Variants in CCSER1 observed in about 807,000 individuals in gnomAD.
CCSER1 encodes coiled-coil serine rich protein 1, also known as serine-rich coiled-coil domain-containing protein 1.
CCSER1 carries 41 observed loss-of-function variants against 82.0 expected under a neutral mutation model. That is an observed-to-expected ratio of 0.50 (90% CI 0.39 to 0.65). CCSER1 has a LOEUF of 0.65. Ranked by LOEUF, CCSER1 falls within the 30% of genes least tolerant of loss-of-function variation. The pLI is 0.00. For missense variants in CCSER1, 1,119 were observed against 1,064.2 expected (o/e 1.05, Z -0.72); for synonymous variants, 414 against 383.9 (o/e 1.08, Z -0.92).
At chr4:90,648,308 A>AGAAAGAAAGAAAGAAAGAAG (rs1388255318) in intron 6 of CCSER1, among the ~76,000 whole-genome samples, 1 of 151,000 alleles carries the variant, frequency 6.6e-6, no homozygotes. Flanking sequence ...AAAGAAAGAA[A>AGAAAGAAAGAAAGAAAGAAG]GAAAGAAAGA....
At position 90,792,351 on chromosome 4, in the gene CCSER1, A is replaced by C. The variant is rs1755377827; in HGVS notation, c.2011-23411A>C. Among the ~76,000 whole-genome samples the C allele has an allele frequency of 2.6e-5, 4 of 152,270 alleles. No homozygotes were observed. In the South Asian group the frequency reaches 8.3e-4, roughly 32 times the overall value. ...AGTATTAGGAAAGTCTTTTCTCTCT[A>C]GTTTTTACTCTCCTTTGTTATCATA... On this transcript the variant is annotated intron_variant, in intron 7 of 10. Coordinates refer to ENST00000509176, the MANE Select transcript of CCSER1 (RefSeq NM_001145065.2).
chr4:91,326,380 G>T (rs1746559261), intron 10 of CCSER1, among the ~76,000 whole-genome samples: 2 of 152,090 alleles, frequency 1.3e-5, no homozygotes. Flanking sequence ...GAGTAAAAGG[G>T]GAAGTGCTAC....
At chr4:90,423,487 G>C in intron 4 of CCSER1, among the ~76,000 whole-genome samples, 1 of 152,078 alleles carries the variant, frequency 6.6e-6, no homozygotes, top group Non-Finnish European at 1.5e-5. Flanking sequence ...GCCTCCCAAA[G>C]TGCGGGGAAT....
At chr4:91,378,277 T>G (rs1245559323) in intron 10 of CCSER1, among the ~76,000 whole-genome samples, 2 of 152,236 alleles carry the variant, frequency 1.3e-5, no homozygotes, top group Admixed American at 1.3e-4. Flanking sequence ...ATTTTTCCAA[T>G]TCTGTGAAGA....
At chr4:90,525,580 C>T (rs963918682) in intron 5 of CCSER1, among the ~76,000 whole-genome samples, 10 of 151,954 alleles carry the variant, frequency 6.6e-5, no homozygotes, top group Non-Finnish European at 1.2e-4. Flanking sequence ...ACTTTCTTCT[C>T]TCAATTACCC....
intron 9 of CCSER1, among the ~76,000 whole-genome samples, chr4:90,968,724 A>T (rs1734805670): frequency 6.6e-6 from 1 of 152,074 alleles, no homozygotes; most frequent in Non-Finnish European, 1.5e-5. Context: ...AGGAAGTTAC[A>T]TCTTCACCAA....
chr4:90,720,831 G>A (rs568032911), intron 6 of CCSER1, among the ~76,000 whole-genome samples: 171 of 152,114 alleles, frequency 1.1e-3, no homozygotes, highest in African/African-American at 4.0e-3. Flanking sequence ...ATGAGAAGAT[G>A]TAACACTCAA....
At chr4:90,393,794 T>G (rs35646666) in intron 3 of CCSER1, among the ~76,000 whole-genome samples, 6 of 146,592 alleles carry the variant, frequency 4.1e-5, no homozygotes, top group Non-Finnish European at 7.6e-5. Context: ...TTTTTTTTTT[T>G]GGGACAGGAC....
chr4:90,377,817 T>C (rs1375975820), intron 3 of CCSER1, among the ~76,000 whole-genome samples: 2 of 152,228 alleles, frequency 1.3e-5, no homozygotes, highest in East Asian at 3.9e-4. Flanking sequence ...TGGAAATAAA[T>C]GATAATTAGA....
At chr4:90,589,352 TTTTTTAATTTATAGA>T (rs1224510580) in intron 5 of CCSER1, among the ~76,000 whole-genome samples, 1 of 152,046 alleles carries the variant, frequency 6.6e-6, no homozygotes, top group Non-Finnish European at 1.5e-5. Flanking sequence ...AATTTTTTTG[TTTTTTAATTTATAGA>T]TTTATTTGAT....
rs977640580 is a variant in CCSER1, at chr4:90,615,939, A to G, written c.1725-12086A>G. 2.5e-4 allele frequency among the ~76,000 whole-genome samples: 38 copies of G among 152,120 alleles called. 1 individual carries two copies. Among genetic ancestry groups the G allele is most frequent in the Non-Finnish European group, 4.4e-5 (3 of 68,022 alleles). On this transcript the variant is annotated intron_variant, in intron 5 of 10. Coordinates refer to ENST00000509176, the MANE Select transcript of CCSER1 (RefSeq NM_001145065.2). ...CTTCATTGTTGCCCTATTTCAGGAAATTGCCACAGCCACTCCACCCTTCAG... is the reference window on the plus strand; with the variant it reads ...CTTCATTGTTGCCCTATTTCAGGAAGTTGCCACAGCCACTCCACCCTTCAG...
chr4:91,091,822 T>C (rs1723989862), intron 10 of CCSER1, among the ~76,000 whole-genome samples: 1 of 151,612 alleles, frequency 6.6e-6, no homozygotes, highest in Non-Finnish European at 1.5e-5. Flanking sequence ...TTTCAGTCCT[T>C]GATCCACACA....
At chr4:91,488,014 TTG>T (rs563847339) in intron 10 of CCSER1, among the ~76,000 whole-genome samples, 57 of 152,174 alleles carry the variant, frequency 3.7e-4, no homozygotes, top group Non-Finnish European at 5.9e-4. Context: ...TTTGAAATGA[TTG>T]TGATTTAAGA....
chr4:91,572,709 C>T (rs1371035673), intron 10 of CCSER1, among the ~76,000 whole-genome samples: 1 of 151,862 alleles, frequency 6.6e-6, no homozygotes, highest in Non-Finnish European at 1.5e-5. Context: ...TATCTGTAAT[C>T]CCAGCATCTT....
chr4:91,147,889 T>G, intron 10 of CCSER1, among the ~76,000 whole-genome samples: 1 of 152,244 alleles, frequency 6.6e-6, no homozygotes, highest in East Asian at 1.9e-4. Context: ...CTACAGTAAC[T>G]GCCTAGGCAG....
At chr4:90,716,590 A>T in intron 6 of CCSER1, among the ~76,000 whole-genome samples, 1 of 152,056 alleles carries the variant, frequency 6.6e-6, no homozygotes, top group East Asian at 1.9e-4. Context: ...TATTTTTACT[A>T]TAACTTTTCT....
intron 9 of CCSER1, among the ~76,000 whole-genome samples, chr4:91,058,886 T>C (rs1458976574): frequency 6.6e-6 from 1 of 152,046 alleles, no homozygotes; most frequent in African/African-American, 2.4e-5. Flanking sequence ...TGAATTATTG[T>C]CTTTCCCAAA....
At chr4:90,150,094 A>G (rs1004319845) in intron 1 of CCSER1, among the ~76,000 whole-genome samples, 2 of 152,142 alleles carry the variant, frequency 1.3e-5, no homozygotes, top group African/African-American at 4.8e-5. Context: ...TCAACCAAAC[A>G]TGGATTGAAT....
At chr4:91,338,751 G>C (rs1026315796) in intron 10 of CCSER1, among the ~76,000 whole-genome samples, 1 of 152,122 alleles carries the variant, frequency 6.6e-6, no homozygotes. Flanking sequence ...TGGCATTTCA[G>C]TATCATGTGG....
Sources: allele counts gnomAD v4.1 joint callset (sites outside exome capture counted in the v4.1 genomes callset), GRCh38; gene constraint gnomAD v4.1.1; transcripts MANE v1.5; gene names NCBI Gene and HGNC (gene_info 2026-07-23, HGNC 2026-07-21).